CTNNA1: variants seen among roughly 807,000 people sequenced by gnomAD.
The protein encoded by CTNNA1 is catenin alpha-1.
CTNNA1 carries 37 observed loss-of-function variants against 98.4 expected under a neutral mutation model. That is an observed-to-expected ratio of 0.38 (90% confidence interval 0.29 to 0.49). CTNNA1 has a LOEUF of 0.49. Among genes scored for constraint, CTNNA1 ranks in the 20% least tolerant of loss-of-function variants. CTNNA1 has a pLI of 0.95. For missense variants in CTNNA1, 761 were observed against 1,147.2 expected (o/e 0.66, Z 4.86); for synonymous variants, 404 against 413.2 (o/e 0.98, Z 0.27).
At chr5:138,851,165 T>C (rs562812157) in intron 7 of CTNNA1, among the ~76,000 whole-genome samples, 38 of 152,306 alleles carry the variant, frequency 2.5e-4, no homozygotes, top group Non-Finnish European at 4.7e-4. Flanking sequence ...GTGTAGAACA[T>C]ATCATGGATG....
intron 10 of CTNNA1, among the ~76,000 whole-genome samples, chr5:138,907,368 T>G (rs1759498790): frequency 2.0e-5 from 3 of 152,240 alleles, no homozygotes. Context: ...TTTTCTGTCA[T>G]GTCTCAATTT....
At chr5:138,778,316 C>T (rs1754645559) in intron 1 of CTNNA1, among the ~76,000 whole-genome samples, 1 of 152,116 alleles carries the variant, frequency 6.6e-6, no homozygotes, top group South Asian at 2.1e-4. Flanking sequence ...TTCAAGACTA[C>T]AGCCAGTTAT....
At chr5:138,895,077 A>G (rs1756470064) in intron 9 of CTNNA1, among the ~76,000 whole-genome samples, 1 of 152,216 alleles carries the variant, frequency 6.6e-6, no homozygotes. Context: ...CTCCAAAAGA[A>G]TATAAGTTAT....
At chr5:138,796,758 TCTC>T (rs1381483794) in intron 3 of CTNNA1, among the ~76,000 whole-genome samples, 7 of 152,202 alleles carry the variant, frequency 4.6e-5, no homozygotes, top group Non-Finnish European at 1.0e-4. Flanking sequence ...GTCTAACTCT[TCTC>T]CTGGAAGCTT....
At chr5:138,842,490 A>C (rs1295077427) in intron 7 of CTNNA1, among the ~76,000 whole-genome samples, 1 of 152,216 alleles carries the variant, frequency 6.6e-6, no homozygotes, top group Non-Finnish European at 1.5e-5. Context: ...TATACTATTT[A>C]GTGATTTCTG....
intron 11 of CTNNA1, among the ~76,000 whole-genome samples, chr5:138,918,873 A>C (rs973831553): frequency 6.6e-6 from 1 of 152,166 alleles, no homozygotes; most frequent in South Asian, 2.1e-4. Context: ...AGAACGTGGC[A>C]GTAGGGCTTG....
intron 3 of CTNNA1, among the ~76,000 whole-genome samples, chr5:138,800,242 C>T (rs1478180414): frequency 6.6e-6 from 1 of 152,128 alleles, no homozygotes; most frequent in Non-Finnish European, 1.5e-5. Context: ...CTTGTCAACA[C>T]AAGATAAAAT....
chr5:138,766,101 A>G (rs1752911602), intron 1 of CTNNA1, among the ~76,000 whole-genome samples: 1 of 152,166 alleles, frequency 6.6e-6, no homozygotes, highest in African/African-American at 2.4e-5. Context: ...ACCATGATCA[A>G]AAAACTCGAA....
At chr5:138,927,989 G>A (rs1048374243) in intron 13 of CTNNA1, among the ~76,000 whole-genome samples, 9 of 151,926 alleles carry the variant, frequency 5.9e-5, no homozygotes, top group East Asian at 1.9e-4. Context: ...CTGCGTGAGC[G>A]TCCACTGTTC....
rs1449925557 is a variant in CTNNA1 at position 138,803,493 on chromosome 5, C to T, written c.302-6545C>T. ...CTTGAAAGAGCAGTCTTATTTATAA[C>T]TTACTTTATTACCCTTGAAATCTGG... On this transcript the variant is annotated intron_variant, in intron 3 of 17. Transcript: ENST00000302763. Among the ~76,000 whole-genome samples, 4 of 152,158 alleles carry T rather than the reference C, an allele frequency of 2.6e-5. No homozygotes were observed. In the East Asian group the frequency reaches 7.7e-4, roughly 29 times the overall value.
Position 138,874,079 on chromosome 5 carries a change from G to A in CTNNA1, c.1063-12133G>A, listed in dbSNP as rs772892822. 1 of 1,613,932 alleles carries A rather than the reference G, an allele frequency of 6.2e-7. No homozygotes were observed. The highest frequency in any genetic ancestry group is 2.2e-5 in the East Asian group (1 of 44,886). ...CAGGGAGTTGGAACGTAAATGCAAG[G>A]TCTGCAGCTTCCGAAGGCCATAGAA... On this transcript the variant is annotated intron_variant, in intron 7 of 17. Transcript: ENST00000302763. The surrounding 1 kb of genome is among the most constrained non-coding windows in gnomAD (Gnocchi z 4.1).
chr5:138,799,231 G>A (rs1230736981), intron 3 of CTNNA1, among the ~76,000 whole-genome samples: 1 of 152,024 alleles, frequency 6.6e-6, no homozygotes, highest in Admixed American at 6.5e-5. Flanking sequence ...CGTGACCTCG[G>A]TTCACTGCAA....
intron 7 of CTNNA1, among the ~76,000 whole-genome samples, chr5:138,845,463 A>G (rs1164293113): frequency 6.6e-6 from 1 of 152,208 alleles, no homozygotes; most frequent in African/African-American, 2.4e-5. Context: ...TAAACACAAG[A>G]AAGTCACATG....
chr5:138,806,055 G>A (rs908077196), intron 3 of CTNNA1, among the ~76,000 whole-genome samples: 1 of 152,150 alleles, frequency 6.6e-6, no homozygotes, highest in Non-Finnish European at 1.5e-5. Context: ...GATAAATTTT[G>A]TAAGTATATG....
chr5:138,890,982 G>C (rs969283548), intron 9 of CTNNA1, among the ~76,000 whole-genome samples: 9 of 152,320 alleles, frequency 5.9e-5, no homozygotes, highest in Admixed American at 5.9e-4. Context: ...GACTACACAG[G>C]CCAGCTTAGC....
chr5:138,920,450 C>T (rs10078079), intron 11 of CTNNA1, among the ~76,000 whole-genome samples: 36,885 of 152,192 alleles, frequency 0.24, 4,912 homozygotes, highest in Middle Eastern at 0.31. Flanking sequence ...GGCCCTAAAG[C>T]ATAGCGGTGC....
intron 9 of CTNNA1, among the ~76,000 whole-genome samples, chr5:138,892,328 GTTTTTTTTTTTTTT>G (rs70982738): frequency 3.8e-5 from 3 of 79,242 alleles, no homozygotes; most frequent in African/African-American, 1.1e-4. Flanking sequence ...AAATAGCTTA[GTTTTTTTTTTTTTT>G]TTTTTTTTTT....
intron 1 of CTNNA1, among the ~76,000 whole-genome samples, chr5:138,773,306 A>G (rs1270231299): frequency 6.6e-6 from 1 of 152,234 alleles, no homozygotes; most frequent in Non-Finnish European, 1.5e-5. Context: ...TGGAATTAGT[A>G]GGATCTTTAG....
intron 7 of CTNNA1, among the ~76,000 whole-genome samples, chr5:138,884,869 C>G (rs921061694): frequency 2.0e-5 from 3 of 152,114 alleles, no homozygotes; most frequent in Non-Finnish European, 2.9e-5. Flanking sequence ...AGAAATCTTC[C>G]TATTTGAATG....
Sources: gnomAD v4.1 joint callset for allele counts (sites outside exome capture counted in the v4.1 genomes callset) on GRCh38, gnomAD v4.1.1 for gene constraint, Gnocchi (gnomAD v3.1) non-coding constraint, MANE v1.5 for transcripts, NCBI Gene and HGNC (gene_info 2026-07-23, HGNC 2026-07-21) for gene names.